The following TBK1 variants were observed in gnomAD, a reference collection of about 807,000 sequenced individuals.
TBK1 encodes serine/threonine-protein kinase TBK1.
Under a neutral mutation model 99.9 loss-of-function variants are expected in TBK1, and 37 were observed. The observed-to-expected ratio is 0.37, with a 90% confidence interval of 0.28 to 0.49. The LOEUF is 0.49. Among genes scored for constraint, TBK1 ranks in the 20% least tolerant of loss-of-function variants. TBK1 has a pLI of 0.98. For synonymous variants in TBK1, 258 were observed against 279.8 expected (o/e 0.92, Z 0.78); for missense variants, 644 against 872.5 (o/e 0.74, Z 3.30).
intron 2 of TBK1, among the ~76,000 whole-genome samples, chr12:64,456,622 C>T (rs949040905): frequency 2.6e-5 from 4 of 151,996 alleles, no homozygotes; most frequent in Non-Finnish European, 4.4e-5. Context: ...AGGCGGATCA[C>T]GAGGTCAGGA....
At chr12:64,495,926 T>TA (rs369559731) in intron 15 of TBK1, 151 bp downstream of exon 15, 8,775 of 385,168 alleles carry the variant, frequency 0.023, 2 homozygotes, top group South Asian at 0.048. Flanking sequence ...TTGATTGTGT[T>TA]AAAAAAAAAA....
At chr12:64,491,955 C>T (rs1429742839) in intron 13 of TBK1, among the ~76,000 whole-genome samples, 5 of 152,166 alleles carry the variant, frequency 3.3e-5, no homozygotes, top group Admixed American at 6.5e-5. Flanking sequence ...GGTATATACA[C>T]ACTTTAAATG....
At position 64,496,372 on chromosome 12, in the gene TBK1, G is replaced by T; in HGVS notation, c.1726G>T (p.Ala576Ser). 1 of 1,202,630 alleles carries T rather than the reference G, an allele frequency of 8.3e-7. No homozygotes were observed. The highest frequency in any genetic ancestry group is 1.2e-6 in the Non-Finnish European group (1 of 852,878). The allele number at this position is 1,202,630 out of a possible 1,614,324, so 74.5% of individuals were successfully genotyped here. ...FKKDKAERRL[A>S]YNEEQIHKFD... Reference sequence around the variant, plus strand: ...ATATATTTTCCTATTTCTAGGATTAGCTTATAATGAAGAACAAATCCACAA... The same window carrying T: ...ATATATTTTCCTATTTCTAGGATTATCTTATAATGAAGAACAAATCCACAA... The change falls in exon 16 of 21, where the codon GCT (alanine) becomes TCT (serine). Residue 576 changes from alanine (A) to serine (S), a missense_variant. Coordinates refer to ENST00000331710, the MANE Select transcript of TBK1 (RefSeq NM_013254.4).
In TBK1 at chr12:64,496,349, A is replaced by G; in HGVS notation, c.1721-18A>G. On this transcript the variant is annotated intron_variant, in intron 15 of 20. Coordinates refer to ENST00000331710, the MANE Select transcript of TBK1 (RefSeq NM_013254.4). ...ATGATTCTATATTAACAACAGTAAT[A>G]TATTTTCCTATTTCTAGGATTAGCT... 9.0e-7 allele frequency: 1 copy of G among 1,112,000 alleles called. No homozygotes were observed. The highest frequency in any genetic ancestry group is 1.3e-6 in the Non-Finnish European group (1 of 774,454). The allele number at this position is 1,112,000 out of a possible 1,614,324, so 68.9% of individuals were successfully genotyped here. A position where few individuals can be genotyped will look rare whatever the true frequency, so the allele number is the denominator to read the frequency against.
intron 5 of TBK1, among the ~76,000 whole-genome samples, chr12:64,467,814 A>C (rs2040622157): frequency 6.6e-6 from 1 of 152,322 alleles, no homozygotes; most frequent in South Asian, 2.1e-4. Flanking sequence ...TAAGTCTGGC[A>C]TGAACTAAAT....
chr12:64,467,399 T>A (rs2040617628), intron 5 of TBK1, among the ~76,000 whole-genome samples: 1 of 152,164 alleles, frequency 6.6e-6, no homozygotes, highest in South Asian at 2.1e-4. Flanking sequence ...TACTGTTTTT[T>A]ATATATTCAT....
chr12:64,497,734 A>C lies in TBK1; in HGVS notation c.2046A>C (p.Thr682=). 6.2e-7 allele frequency: 1 copy of C among 1,604,642 alleles called. No homozygotes were observed. The highest frequency in any genetic ancestry group is 8.5e-7 in the Non-Finnish European group (1 of 1,175,850). ...CCCCAATTTATCCAAGTTCTAACAC[A>C]TTAGTAGAAATGACTCTTGGGTAAG... ...TMTPIYPSSN[T]LVEMTLGMKK... The change falls in exon 19 of 21, where the codon ACA becomes ACC. Residue 682 remains threonine (T), a synonymous_variant. Coordinates refer to ENST00000331710, the MANE Select transcript of TBK1 (RefSeq NM_013254.4).
Position 64,501,538 on chromosome 12 carries a change from A to C in TBK1, c.*157A>C. On this transcript the variant is annotated 3_prime_UTR_variant, in exon 21 of 21. Transcript: ENST00000331710. ...AATATTGTAAATACATAAAAAATAT[A>C]CAAATTTTTGGCTGCTGTGAAGATG... 1 of 705,302 alleles carries C rather than the reference A, an allele frequency of 1.4e-6. No individual in the cohort carries two copies. The highest frequency in any genetic ancestry group is 2.2e-6 in the Non-Finnish European group (1 of 453,400). The allele number at this position is 705,302 out of a possible 1,614,324, so 43.7% of individuals were successfully genotyped here. A position where few individuals can be genotyped will look rare whatever the true frequency, so the allele number is the denominator to read the frequency against.
chr12:64,488,727 C>T, intron 12 of TBK1, 139 bp downstream of exon 12: 1 of 651,520 alleles, frequency 1.5e-6, no homozygotes, highest in Non-Finnish European at 2.6e-6. Flanking sequence ...GGCACGGTGG[C>T]TCATGCCTGT....
At position 64,458,036 on chromosome 12, in the gene TBK1, A is replaced by G. The variant is rs558185218; in HGVS notation, c.87+2079A>G. ...CAAGGCAGGTAGGTTGCTTGTGCCC[A>G]GGAGTTTTGAGACCAGCCTGGGCAA... On this transcript the variant is annotated intron_variant, in intron 2 of 20. Transcript: ENST00000331710. Among the ~76,000 whole-genome samples, 95 of 152,038 alleles carry G rather than the reference A, an allele frequency of 6.2e-4. 1 individual carries two copies. In the South Asian group the frequency reaches 0.019, roughly 30 times the overall value.
intron 1 of TBK1, chr12:64,452,684 T>G (rs2040440935): frequency 6.6e-6 from 1 of 152,216 alleles, no homozygotes; most frequent in African/African-American, 2.4e-5. Context: ...CCTTAGAGTT[T>G]TAGTGATGTT....
Position 64,501,437 on chromosome 12 carries a change from G to T in TBK1, c.*56G>T, listed in dbSNP as rs2136092398. 1.3e-6 allele frequency: 2 copies of T among 1,570,004 alleles called. No homozygotes were observed. The highest frequency in any genetic ancestry group is 2.2e-5 in the East Asian group (1 of 44,588). On this transcript the variant is annotated 3_prime_UTR_variant, in exon 21 of 21. Transcript: ENST00000331710. ...GTTTGCACAAGAAAATAACGCTTGG[G>T]CATTAAATGAATGCCTTTATAGATA...
Position 64,497,728 on chromosome 12 carries a change from T to C in TBK1, c.2040T>C (p.Ser680=). Residue 680 remains serine (S), a synonymous_variant, in exon 19 of 21, where the codon TCT becomes TCC. Coordinates refer to ENST00000331710, the MANE Select transcript of TBK1 (RefSeq NM_013254.4). The part of the protein sequence containing the change: ...KHTMTPIYPS[S]NTLVEMTLGM... The stretch of plus-strand genomic sequence containing the variant: ...CCATGACCCCAATTTATCCAAGTTC[T>C]AACACATTAGTAGAAATGACTCTTG... The C allele has an allele frequency of 6.2e-7, 1 of 1,608,192 alleles. No individual in the cohort carries two copies. The highest frequency in any genetic ancestry group is 8.5e-7 in the Non-Finnish European group (1 of 1,177,630).
chr12:64,492,432 G>C (rs1271077141), intron 13 of TBK1, among the ~76,000 whole-genome samples: 2 of 151,932 alleles, frequency 1.3e-5, no homozygotes, highest in African/African-American at 4.8e-5. Flanking sequence ...TCAGCCTCCC[G>C]AGTAGCTGGG....
rs1364790541 is a variant in TBK1, at chr12:64,462,100, G to A, written c.228+1771G>A. ...TCCCCAGCTCCTTCCAGAAGTTTGG[G>A]GTAATTCCTTTAGTCTCCATTAAGC... On this transcript the variant is annotated intron_variant, in intron 3 of 20. Transcript: ENST00000331710. Among the ~76,000 whole-genome samples the A allele has an allele frequency of 2.0e-5, 3 of 152,252 alleles. No homozygotes were observed. In the South Asian group the frequency reaches 6.2e-4, roughly 32 times the overall value.
chr12:64,491,118 A>G (rs1385276498), intron 13 of TBK1, among the ~76,000 whole-genome samples: 3 of 152,096 alleles, frequency 2.0e-5, no homozygotes, highest in African/African-American at 7.2e-5. Flanking sequence ...AACATGTATT[A>G]TAGAAGTGCG....
At position 64,464,790 on chromosome 12, in the gene TBK1, A is replaced by G. The variant is rs1233519700; in HGVS notation, c.358+327A>G. 3.3e-5 allele frequency among the ~76,000 whole-genome samples: 5 copies of G among 152,246 alleles called. No individual in the cohort carries two copies. The South Asian group carries it at 8.3e-4, about 25-fold the overall frequency. ...ATTTAAAAATGGGCAAAGGATTCGC[A>G]TAGACATTTCTCCAAAGAAGATACA... On this transcript the variant is annotated intron_variant, in intron 4 of 20. Coordinates refer to ENST00000331710, the MANE Select transcript of TBK1 (RefSeq NM_013254.4).
intron 19 of TBK1, 59 bp from the exon 20 acceptor site, chr12:64,497,909 C>A: frequency 6.6e-7 from 1 of 1,505,990 alleles, no homozygotes; most frequent in Admixed American, 1.8e-5. Context: ...AAAACATAAA[C>A]ATCATTCTAA....
At chr12:64,489,263 G>A (rs1200287267) in intron 12 of TBK1, among the ~76,000 whole-genome samples, 1 of 152,120 alleles carries the variant, frequency 6.6e-6, no homozygotes, top group Non-Finnish European at 1.5e-5. Context: ...TAGAATTATA[G>A]GAATTACTTT....
Sources: gnomAD v4.1 joint callset for allele counts (sites outside exome capture counted in the v4.1 genomes callset) on GRCh38, gnomAD v4.1.1 for gene constraint, MANE v1.5 for transcripts, NCBI Gene and HGNC (gene_info 2026-07-23, HGNC 2026-07-21) for gene names.